Variants in KLRK1 observed in about 807,000 individuals in gnomAD.
KLRK1 encodes the protein NKG2-D type II integral membrane protein.
KLRK1 carries 40 observed loss-of-function variants against 31.3 expected under a neutral mutation model. The ratio of observed to expected loss-of-function variants is 1.28; its 90% CI spans 0.99 to 1.67. The LOEUF (loss-of-function observed/expected upper bound fraction) is 1.67, where lower values mean the gene tolerates loss of function less well. KLRK1 is among the 40% of genes most tolerant of loss of function. KLRK1 has a pLI of 0.00. For synonymous variants in KLRK1, 77 were observed against 77.3 expected (o/e 1.00, Z 0.02); for missense variants, 251 against 260.0 (o/e 0.97, Z 0.24).
At chr12:10,389,096 A>C (rs1863225567) in intron 1 of KLRK1, 4 of 383,440 alleles carry the variant, frequency 1.0e-5, no homozygotes, top group Non-Finnish European at 1.4e-5. Flanking sequence ...TAACAATATA[A>C]TGAACCTATT....
intron 3 of KLRK1, among the ~76,000 whole-genome samples, chr12:10,386,037 C>T (rs1011960145): frequency 2.7e-5 from 4 of 149,842 alleles, no homozygotes; most frequent in Non-Finnish European, 4.4e-5. Flanking sequence ...GTCCTCATGG[C>T]GTATAAGGAT....
intron 2 of KLRK1, 28 bp from the exon 3 acceptor site, chr12:10,387,038 G>A (rs376353454): frequency 6.4e-7 from 1 of 1,573,206 alleles, no homozygotes; most frequent in Non-Finnish European, 8.7e-7. Flanking sequence ...AGGCTTATAT[G>A]AGTCATGGCC....
In KLRK1 at chr12:10,374,802, C is replaced by T. The variant is rs549336140; in HGVS notation, c.534-1571G>A. Among the ~76,000 whole-genome samples the T allele has an allele frequency of 2.1e-4, 32 of 152,288 alleles. No homozygotes were observed. In the South Asian group the frequency reaches 6.0e-3, roughly 29 times the overall value. ...ACTACACTGGATTATTTGTTTGTAA[C>T]TACATCTCTGACTAGAGTTTGAAGC... is the stretch of plus-strand genomic sequence containing the variant. On this transcript the variant is annotated intron_variant, in intron 7 of 7. Coordinates refer to ENST00000240618, the MANE Select transcript of KLRK1 (RefSeq NM_007360.4).
chr12:10,376,316 T>TTTAAG (rs1452003537), intron 7 of KLRK1, among the ~76,000 whole-genome samples: 5 of 152,190 alleles, frequency 3.3e-5, no homozygotes, highest in Non-Finnish European at 7.3e-5. Flanking sequence ...TGTCAATAAA[T>TTTAAG]TTAAGTTTTA....
At chr12:10,376,472 T>A (rs1862968367) in intron 7 of KLRK1, among the ~76,000 whole-genome samples, 1 of 152,130 alleles carries the variant, frequency 6.6e-6, no homozygotes, top group South Asian at 2.1e-4. Context: ...ATTTAGAAAC[T>A]ATTTTTAACT....
intron 5 of KLRK1, 47 bp downstream of exon 5, chr12:10,379,400 T>C: frequency 8.5e-7 from 1 of 1,179,386 alleles, no homozygotes; most frequent in African/African-American, 1.6e-5. Context: ...ATAATGTAGG[T>C]AGATACATAT....
intron 1 of KLRK1, among the ~76,000 whole-genome samples, chr12:10,389,378 CCAT>C (rs959617203): frequency 1.3e-5 from 2 of 152,116 alleles, no homozygotes; most frequent in Admixed American, 6.6e-5. Flanking sequence ...ATTATCATCA[CCAT>C]CATCATTAAC....
chr12:10,376,865 G>A (rs1862976718), intron 7 of KLRK1, among the ~76,000 whole-genome samples: 1 of 152,032 alleles, frequency 6.6e-6, no homozygotes, highest in Non-Finnish European at 1.5e-5. Context: ...CACTCAGGCT[G>A]GAGTGCAGCG....
chr12:10,385,416 TA>T (rs561971740), intron 3 of KLRK1, among the ~76,000 whole-genome samples: 11 of 133,922 alleles, frequency 8.2e-5, no homozygotes, highest in African/African-American at 2.9e-4. Flanking sequence ...CATTCAGTCA[TA>T]AAAAAAAGAA....
chr12:10,378,154 C>CATCT lies in KLRK1; in HGVS notation c.507_510dup (p.Gly171ArgfsTer14), dbSNP rs1411151997. Reference sequence around the variant, plus strand: ...TACAGGTTGGGTGAGAGAATGGAGCCATCTTCCCACTGCCAAGATCCATTT... The same window carrying CATCT: ...TACAGGTTGGGTGAGAGAATGGAGCCATCTATCTTCCCACTGCCAAGATCCATTT... On this transcript the variant is annotated frameshift_variant, in exon 7 of 8. Transcript: ENST00000240618. LOFTEE classifies it high-confidence loss of function. The CATCT allele has an allele frequency of 1.2e-6, 2 of 1,613,950 alleles. No homozygotes were observed. Among genetic ancestry groups the CATCT allele is most frequent in the Non-Finnish European group, 8.5e-7 (1 of 1,179,980 alleles).
chr12:10,381,863 A>T (rs913640900), intron 3 of KLRK1: 1 of 152,240 alleles, frequency 6.6e-6, no homozygotes, highest in Non-Finnish European at 1.5e-5. Context: ...TGCTTAGAGA[A>T]AAACTGCCTG....
At chr12:10,379,977 TG>T in intron 3 of KLRK1, 185 bp from the exon 4 acceptor site, 1 of 414,002 alleles carries the variant, frequency 2.4e-6, no homozygotes, top group Non-Finnish European at 4.2e-6. Context: ...AGTACAACAA[TG>T]TAATATTTCC....
chr12:10,380,129 G>A (rs372760111), intron 3 of KLRK1, among the ~76,000 whole-genome samples: 4 of 130,894 alleles, frequency 3.1e-5, no homozygotes, highest in Non-Finnish European at 4.6e-5. Flanking sequence ...GCAGTGGCGC[G>A]ATCTCGGCTC....
chr12:10,380,298 C>A (rs998758682), intron 3 of KLRK1, among the ~76,000 whole-genome samples: 13 of 152,138 alleles, frequency 8.5e-5, no homozygotes, highest in African/African-American at 2.4e-4. Context: ...ATCTCCTGAC[C>A]TCGTGATCCG....
chr12:10,386,355 A>G (rs1308295313), intron 3 of KLRK1, among the ~76,000 whole-genome samples: 1 of 152,100 alleles, frequency 6.6e-6, no homozygotes, highest in Non-Finnish European at 1.5e-5. Context: ...AATTCTTGTA[A>G]AGAGATGCTA....
chr12:10,378,372 G>C, intron 6 of KLRK1, 137 bp from the exon 7 acceptor site: 1 of 1,294,400 alleles, frequency 7.7e-7, no homozygotes, highest in Non-Finnish European at 1.1e-6. Context: ...ATTCTCATCC[G>C]AGCACACATA....
At chr12:10,384,800 T>C (rs986571475) in intron 3 of KLRK1, among the ~76,000 whole-genome samples, 1 of 151,978 alleles carries the variant, frequency 6.6e-6, no homozygotes, top group East Asian at 1.9e-4. Flanking sequence ...ATTGACAGAG[T>C]GAAGAGACAA....
intron 1 of KLRK1, among the ~76,000 whole-genome samples, chr12:10,389,405 CAT>C (rs1237471334): frequency 2.0e-5 from 3 of 152,146 alleles, no homozygotes; most frequent in Non-Finnish European, 2.9e-5. Flanking sequence ...ACTAATCTCA[CAT>C]GTTTATATAG....
At chr12:10,389,275 C>T (rs1437280648) in intron 1 of KLRK1, among the ~76,000 whole-genome samples, 2 of 152,102 alleles carry the variant, frequency 1.3e-5, no homozygotes, top group Non-Finnish European at 2.9e-5. Flanking sequence ...TTTCTTTCTG[C>T]AAGCTAAACT....
Sources: gnomAD v4.1 joint callset for allele counts (sites outside exome capture counted in the v4.1 genomes callset) on GRCh38, gnomAD v4.1.1 for gene constraint, MANE v1.5 for transcripts, NCBI Gene and HGNC (gene_info 2026-07-23, HGNC 2026-07-21) for gene names.